Variants in TMCC1 observed in about 807,000 individuals in gnomAD.
TMCC1 encodes the protein transmembrane and coiled-coil domain family 1.
A neutral mutation model predicts 52.4 loss-of-function variants in TMCC1; 15 were observed. The ratio of observed to expected loss-of-function variants is 0.29; its 90% CI spans 0.19 to 0.44. The LOEUF is 0.44. Ranked by LOEUF, TMCC1 falls within the 20% of genes least tolerant of loss-of-function variation. The probability of loss-of-function intolerance (pLI) is 1.00; values close to 1 mark genes in which losing one functional copy is unlikely to be tolerated. For missense variants in TMCC1, 503 were observed against 806.0 expected, an observed-to-expected ratio of 0.62 and a Z score of 4.55; for synonymous variants, 279 against 301.9, an observed-to-expected ratio of 0.92 and a Z score of 0.79.
At chr3:129,855,255 T>C (rs983437488) in intron 2 of TMCC1, among the ~76,000 whole-genome samples, 1 of 152,182 alleles carries the variant, frequency 6.6e-6, no homozygotes, top group Admixed American at 6.5e-5. Flanking sequence ...ATTGTAGCTT[T>C]CATAACAAAA....
At chr3:129,778,040 T>C (rs1314393324) in intron 4 of TMCC1, among the ~76,000 whole-genome samples, 1 of 152,204 alleles carries the variant, frequency 6.6e-6, no homozygotes, top group Non-Finnish European at 1.5e-5. Flanking sequence ...AGTGATATCT[T>C]CCGGCCAAAG....
At chr3:129,818,306 G>A (rs769527380) in intron 4 of TMCC1, among the ~76,000 whole-genome samples, 14 of 151,958 alleles carry the variant, frequency 9.2e-5, no homozygotes, top group Non-Finnish European at 1.5e-4. Flanking sequence ...GTGATCAGCA[G>A]ACATCAGTTT....
At chr3:129,836,727 T>C (rs2059176764) in intron 2 of TMCC1, among the ~76,000 whole-genome samples, 1 of 152,218 alleles carries the variant, frequency 6.6e-6, no homozygotes. Flanking sequence ...CCAAAAATTC[T>C]GACAAACTGC....
In TMCC1 at chr3:129,740,369, G is replaced by A. The variant is rs2051355538; in HGVS notation, c.577-69105C>T. ...TCCAAGAGAAGCATGTCCACTGCTT[G>A]ATAACTTAGTAGCACAAGTAAAGCT... On this transcript the variant is annotated intron_variant, in intron 4 of 6. Coordinates refer to ENST00000393238, the MANE Select transcript of TMCC1 (RefSeq NM_001017395.5). Among the ~76,000 whole-genome samples, 5 of 152,160 alleles carry A rather than the reference G, an allele frequency of 3.3e-5. 1 individual carries two copies. The South Asian group carries it at 1.0e-3, about 32-fold the overall frequency.
chr3:129,676,701 A>G (rs1034116022), intron 4 of TMCC1, among the ~76,000 whole-genome samples: 1 of 152,226 alleles, frequency 6.6e-6, no homozygotes, highest in African/African-American at 2.4e-5. Context: ...AAGGGCAAGA[A>G]TAAGAAGACC....
chr3:129,672,635 A>T (rs1021811233), intron 4 of TMCC1, among the ~76,000 whole-genome samples: 4 of 152,204 alleles, frequency 2.6e-5, no homozygotes, highest in African/African-American at 9.6e-5. Flanking sequence ...TCTGTTAAGC[A>T]GTAACAGAGT....
At chr3:129,745,029 A>AG (rs2051801805) in intron 4 of TMCC1, among the ~76,000 whole-genome samples, 1 of 152,222 alleles carries the variant, frequency 6.6e-6, no homozygotes, top group Non-Finnish European at 1.5e-5. Flanking sequence ...AGCAATTTCA[A>AG]GGGGAGATGT....
chr3:129,869,538 C>T (rs960097089), intron 2 of TMCC1, among the ~76,000 whole-genome samples: 1 of 151,856 alleles, frequency 6.6e-6, no homozygotes, highest in Admixed American at 6.6e-5. Context: ...TGGGACTGAG[C>T]CCTTTAACTT....
intron 2 of TMCC1, among the ~76,000 whole-genome samples, chr3:129,842,531 A>T (rs1405798610): frequency 6.6e-6 from 1 of 152,056 alleles, no homozygotes; most frequent in Non-Finnish European, 1.5e-5. Context: ...TGACCTCAAC[A>T]GTTCAGTACT....
In TMCC1 at chr3:129,699,778, A is replaced by G. The variant is rs115264209; in HGVS notation, c.577-28514T>C. On this transcript the variant is annotated intron_variant, in intron 4 of 6. Coordinates refer to ENST00000393238, the MANE Select transcript of TMCC1 (RefSeq NM_001017395.5). ...CTCTATCAAAACTAACAACAGCAAA[A>G]ATTAGCAGGGTATGGTGTGGGGCAT... Among the ~76,000 whole-genome samples the G allele has an allele frequency of 7.0e-3, 1,068 of 152,136 alleles. 11 individuals carry two copies. The highest frequency in any genetic ancestry group is 0.025 in the African/African-American group (1,019 of 41,490).
intron 4 of TMCC1, among the ~76,000 whole-genome samples, chr3:129,785,971 G>T (rs982132033): frequency 1.9e-4 from 20 of 103,936 alleles, no homozygotes; most frequent in Admixed American, 1.1e-3. Context: ...GTCTTGCTTT[G>T]TCACCCAGGA....
In TMCC1 at chr3:129,649,799, C is replaced by T. The variant is rs139085755; in HGVS notation, c.*1682G>A. The stretch of plus-strand genomic sequence containing the variant: ...GAGGGAACAGCATTTGTGACCAATA[C>T]TACAAATAATATGGAAAGATTAACC... On this transcript the variant is annotated 3_prime_UTR_variant, in exon 7 of 7. Coordinates refer to ENST00000393238, the MANE Select transcript of TMCC1 (RefSeq NM_001017395.5). 447 of 152,492 alleles carry T rather than the reference C, an allele frequency of 2.9e-3. No homozygotes were observed. The highest frequency in any genetic ancestry group is 0.01 in the African/African-American group (425 of 41,560). 9.4% of individuals were successfully genotyped at this position (152,492 alleles called of 1,614,324 possible).
At chr3:129,678,583 A>T (rs914538487) in intron 4 of TMCC1, among the ~76,000 whole-genome samples, 1 of 150,036 alleles carries the variant, frequency 6.7e-6, no homozygotes, top group Non-Finnish European at 1.5e-5. Flanking sequence ...GCTGGTCTTA[A>T]ACTCCCGACC....
chr3:129,859,739 TTTG>T lies in TMCC1; in HGVS notation c.-184+20567_-184+20569del, dbSNP rs373577090. Among the ~76,000 whole-genome samples, 32 of 152,250 alleles carry T rather than the reference TTTG, an allele frequency of 2.1e-4. No homozygotes were observed. The South Asian group carries it at 5.2e-3, about 25-fold the overall frequency. On this transcript the variant is annotated intron_variant, in intron 2 of 6. Transcript: ENST00000393238. ...TCTAGGAAATTTACCTTTTGACTTT[TTTG>T]TTCTAATTTGATACTGCTTCCCTTC...
chr3:129,762,634 T>C (rs1347530082), intron 4 of TMCC1, among the ~76,000 whole-genome samples: 2 of 151,952 alleles, frequency 1.3e-5, no homozygotes, highest in Non-Finnish European at 2.9e-5. Context: ...CAAAAAAAAT[T>C]AGCTGGGCTT....
At chr3:129,866,361 A>G (rs1164625643) in intron 2 of TMCC1, among the ~76,000 whole-genome samples, 1 of 120,140 alleles carries the variant, frequency 8.3e-6, no homozygotes, top group Non-Finnish European at 1.7e-5. Flanking sequence ...CATAATATAT[A>G]TTTTATATAT....
chr3:129,876,819 T>C (rs529457730), intron 2 of TMCC1, among the ~76,000 whole-genome samples: 8 of 151,642 alleles, frequency 5.3e-5, no homozygotes, highest in Admixed American at 3.9e-4. Flanking sequence ...TAGCCAAGCA[T>C]GGTGGCAGGC....
chr3:129,673,487 G>A (rs922856401), intron 4 of TMCC1, among the ~76,000 whole-genome samples: 1 of 152,160 alleles, frequency 6.6e-6, no homozygotes, highest in Non-Finnish European at 1.5e-5. Context: ...GCTTCTGCAT[G>A]CTCTAGTTAT....
At chr3:129,784,879 G>A (rs570252275) in intron 4 of TMCC1, among the ~76,000 whole-genome samples, 11 of 151,616 alleles carry the variant, frequency 7.3e-5, no homozygotes, top group African/African-American at 2.4e-4. Context: ...GAGATCACCT[G>A]AACCTTTAGT....
Sources: allele counts gnomAD v4.1 joint callset (sites outside exome capture counted in the v4.1 genomes callset), GRCh38; gene constraint gnomAD v4.1.1; transcripts MANE v1.5; gene names NCBI Gene and HGNC (gene_info 2026-07-23, HGNC 2026-07-21).